The following INSL4 variants were observed in gnomAD, a reference collection of about 807,000 sequenced individuals.
INSL4 encodes the protein early placenta insulin-like peptide.
Under a neutral mutation model 6.5 loss-of-function variants are expected in INSL4, and 7 were observed. The ratio of observed to expected loss-of-function variants is 1.08; its 90% CI spans 0.61 to 2.02. The LOEUF is 2.02. INSL4 is among the 30% of genes most tolerant of loss of function. INSL4 has a pLI of 0.00. For synonymous variants in INSL4, 82 were observed against 65.8 expected (o/e 1.25, Z -1.19); for missense variants, 226 against 163.2 (o/e 1.38, Z -2.09).
rs550887571 is a variant in INSL4, at chr9:5,234,014, T to C, written c.*137T>C. 3 of 649,468 alleles carry C rather than the reference T, an allele frequency of 4.6e-6. No individual in the cohort carries two copies. Among genetic ancestry groups the C allele is most frequent in the Non-Finnish European group, 8.1e-6 (3 of 370,814 alleles). The allele number at this position is 649,468 out of a possible 1,614,324, so 40.2% of individuals were successfully genotyped here. ...TAGTATTCACATGTTTCACTTGCTC[T>C]GTACTAATATAGTCTCTCCAAATGG... On this transcript the variant is annotated 3_prime_UTR_variant, in exon 2 of 2. Transcript: ENST00000239316.
chr9:5,233,915 T>C lies in INSL4; in HGVS notation c.*38T>C. 2.2e-6 allele frequency: 3 copies of C among 1,366,264 alleles called. No homozygotes were observed. Among genetic ancestry groups the C allele is most frequent in the Non-Finnish European group, 2.1e-6 (2 of 959,068 alleles). 84.6% of individuals were successfully genotyped at this position (1,366,264 alleles called of 1,614,324 possible). A position where few individuals can be genotyped will look rare whatever the true frequency, so the allele number is the denominator to read the frequency against. On this transcript the variant is annotated 3_prime_UTR_variant, in exon 2 of 2. Transcript: ENST00000239316. ...GGACTGGACATCTCATCCATTCTCATATGTATTCTCAATGACAAATTCACT... is the reference window on the plus strand; with the variant it reads ...GGACTGGACATCTCATCCATTCTCACATGTATTCTCAATGACAAATTCACT...
At chr9:5,233,633 T>G (rs139922875) in intron 1 of INSL4, 21 bp from the exon 2 acceptor site, 1 of 1,585,822 alleles carries the variant, frequency 6.3e-7, no homozygotes, top group Non-Finnish European at 8.7e-7. Context: ...TCACCTTTCA[T>G]TCCTCTCTTT....
intron 1 of INSL4, among the ~76,000 whole-genome samples, chr9:5,232,336 G>GT (rs549049604): frequency 4.6e-5 from 7 of 152,038 alleles, no homozygotes; most frequent in African/African-American, 9.6e-5. Flanking sequence ...TTACAAAAAA[G>GT]TTTTTTTTAA....
At chr9:5,232,294 G>C (rs751381883) in intron 1 of INSL4, among the ~76,000 whole-genome samples, 1 of 152,094 alleles carries the variant, frequency 6.6e-6, no homozygotes, top group Non-Finnish European at 1.5e-5. Context: ...TCATTAAGCT[G>C]GGCAGTGGTC....
Position 5,231,508 on chromosome 9 carries a change from A to G in INSL4, c.-16A>G. On this transcript the variant is annotated 5_prime_UTR_variant, in exon 1 of 2. Coordinates refer to ENST00000239316, the MANE Select transcript of INSL4 (RefSeq NM_002195.2). ...AAAGGCTGAGAACACCCAGAACAGG[A>G]GAGTTCAGGTCCAGGATGGCCAGCC... The G allele has an allele frequency of 6.2e-7, 1 of 1,609,598 alleles. No individual in the cohort carries two copies. Among genetic ancestry groups the G allele is most frequent in the Non-Finnish European group, 8.5e-7 (1 of 1,178,122 alleles).
rs150771132 is a variant in INSL4, at chr9:5,233,699, C to T, written c.242C>T (p.Thr81Met). The change falls in exon 2 of 2, where the codon ACG becomes ATG. Residue 81 changes from threonine to methionine, a missense_variant. Coordinates refer to ENST00000239316, the MANE Select transcript of INSL4 (RefSeq NM_002195.2). ...SNNKDGQALG[T>M]TSEFIPNLSP... is the part of the protein sequence containing the mutation. The stretch of plus-strand genomic sequence containing the variant: ...AACAAAGATGGACAAGCCTTAGGTA[C>T]GACATCAGAATTCATTCCTAATTTG... 2.0e-5 allele frequency: 32 copies of T among 1,613,440 alleles called. No individual in the cohort carries two copies. The highest frequency in any genetic ancestry group is 1.1e-4 in the African/African-American group (8 of 74,894).
At position 5,231,655 on chromosome 9, in the gene INSL4, C is replaced by A. The variant is rs770927876; in HGVS notation, c.132C>A (p.Pro44=). Residue 44 remains proline (P), a synonymous_variant, in exon 1 of 2, where the codon CCC becomes CCA. Coordinates refer to ENST00000239316, the MANE Select transcript of INSL4 (RefSeq NM_002195.2). ...GAAAACACTTGCTGTCATATTGCCCCATGCCTGAGAAGACATTCACCACCA... is the reference window on the plus strand; with the variant it reads ...GAAAACACTTGCTGTCATATTGCCCAATGCCTGAGAAGACATTCACCACCA... ...RFGKHLLSYC[P]MPEKTFTTTP... 14 of 1,613,768 alleles carry A rather than the reference C, an allele frequency of 8.7e-6. No individual in the cohort carries two copies. The South Asian group carries it at 1.2e-4, about 14-fold the overall frequency.
chr9:5,232,140 GAA>G (rs1037574688), intron 1 of INSL4, among the ~76,000 whole-genome samples: 3 of 152,134 alleles, frequency 2.0e-5, no homozygotes, highest in African/African-American at 7.2e-5. Context: ...CAATTAAGAA[GAA>G]AGGGGACAAA....
chr9:5,231,522 G>A lies in INSL4; in HGVS notation c.-2G>A. 6.2e-7 allele frequency: 1 copy of A among 1,612,106 alleles called. No individual in the cohort carries two copies. The highest frequency in any genetic ancestry group is 2.2e-5 in the East Asian group (1 of 44,832). ...CCCAGAACAGGAGAGTTCAGGTCCA[G>A]GATGGCCAGCCTGTTCCGGTCCTAT... is the stretch of plus-strand genomic sequence containing the variant. On this transcript the variant is annotated 5_prime_UTR_variant, in exon 1 of 2. Transcript: ENST00000239316.
Position 5,233,886 on chromosome 9 carries a change from T to C in INSL4, c.*9T>C, listed in dbSNP as rs544976823. Reference sequence around the variant, plus strand: ...TTAAATTATGTACATAGTAGAGTAATCATGGACTGGACATCTCATCCATTC... The same window carrying C: ...TTAAATTATGTACATAGTAGAGTAACCATGGACTGGACATCTCATCCATTC... On this transcript the variant is annotated 3_prime_UTR_variant, in exon 2 of 2. Transcript: ENST00000239316. 1.3e-6 allele frequency: 2 copies of C among 1,563,032 alleles called. No homozygotes were observed. The highest frequency in any genetic ancestry group is 4.5e-5 in the East Asian group (2 of 44,534).
chr9:5,232,651 G>A (rs959547989), intron 1 of INSL4, among the ~76,000 whole-genome samples: 1 of 152,208 alleles, frequency 6.6e-6, no homozygotes, highest in Admixed American at 6.5e-5. Context: ...TGCCAGCTAA[G>A]TTAAAACTAG....
chr9:5,232,468 C>T (rs921249877), intron 1 of INSL4, among the ~76,000 whole-genome samples: 2 of 151,936 alleles, frequency 1.3e-5, no homozygotes, highest in African/African-American at 2.4e-5. Context: ...TGAAGGGGAC[C>T]AGAGACAAGG....
chr9:5,231,538 C>T lies in INSL4; in HGVS notation c.15C>T (p.Phe5=). 1 of 1,613,040 alleles carries T rather than the reference C, an allele frequency of 6.2e-7. No individual in the cohort carries two copies. Among genetic ancestry groups the T allele is most frequent in the Non-Finnish European group, 8.5e-7 (1 of 1,179,738 alleles). Residue 5 remains phenylalanine, a synonymous_variant, in exon 1 of 2, where the codon TTC becomes TTT. Transcript: ENST00000239316. ...TCAGGTCCAGGATGGCCAGCCTGTT[C>T]CGGTCCTATCTGCCAGCAATCTGGC... The part of the protein sequence containing the change: MASL[F]RSYLPAIWLL...
rs1347480835 is a variant in INSL4, at chr9:5,234,420, A to G, written c.*543A>G. On this transcript the variant is annotated 3_prime_UTR_variant, in exon 2 of 2. Transcript: ENST00000239316. ...AGAGATAAAGGATCTAACCATCTCT[A>G]ACATCAGCTCATAGTACGGAGGAAA... 2 of 156,066 alleles carry G rather than the reference A, an allele frequency of 1.3e-5. No individual in the cohort carries two copies. Among genetic ancestry groups the G allele is most frequent in the East Asian group, 3.8e-4 (2 of 5,322 alleles). The allele number at this position is 156,066 out of a possible 1,614,324, so 9.7% of individuals were successfully genotyped here.
In INSL4 at chr9:5,233,826, C is replaced by G. The variant is rs1826185544; in HGVS notation, c.369C>G (p.Phe123Leu). The change falls in exon 2 of 2, where the codon TTC becomes TTG. Residue 123 changes from phenylalanine to leucine, a missense_variant. Transcript: ENST00000239316. ...KRSGRHRFDPFCCEVICDDGT... is the reference protein window; with the variant it reads ...KRSGRHRFDPLCCEVICDDGT... ...GTGGACGTCACAGATTTGATCCATTCTGTTGTGAAGTAATTTGTGACGATG... is the reference window on the plus strand; with the variant it reads ...GTGGACGTCACAGATTTGATCCATTGTGTTGTGAAGTAATTTGTGACGATG... 6.2e-7 allele frequency: 1 copy of G among 1,613,466 alleles called. No individual in the cohort carries two copies. The highest frequency in any genetic ancestry group is 1.1e-5 in the South Asian group (1 of 91,070).
In INSL4 at chr9:5,231,528, C is replaced by G. The variant is rs779260190; in HGVS notation, c.5C>G (p.Ala2Gly). 2 of 1,612,056 alleles carry G rather than the reference C, an allele frequency of 1.2e-6. No homozygotes were observed. ...ACAGGAGAGTTCAGGTCCAGGATGG[C>G]CAGCCTGTTCCGGTCCTATCTGCCA... is the stretch of plus-strand genomic sequence containing the variant. The part of the protein sequence containing the change: M[A>G]SLFRSYLPAI... Residue 2 changes from alanine to glycine, a missense_variant, in exon 1 of 2, where the codon GCC becomes GGC. Transcript: ENST00000239316.
intron 1 of INSL4, 125 bp from the exon 2 acceptor site, chr9:5,233,529 T>A (rs1294108136): frequency 4.5e-6 from 3 of 672,526 alleles, no homozygotes; most frequent in Non-Finnish European, 7.7e-6. Flanking sequence ...TTGCTGATTC[T>A]CTCTGGTGTT....
Position 5,234,284 on chromosome 9 carries a change from A to G in INSL4, c.*407A>G, listed in dbSNP as rs983148579. The G allele has an allele frequency of 4.8e-5, 8 of 165,942 alleles. No individual in the cohort carries two copies. The highest frequency in any genetic ancestry group is 1.9e-4 in the African/African-American group (8 of 41,604). 10.3% of individuals were successfully genotyped at this position (165,942 alleles called of 1,614,324 possible). Reference sequence around the variant, plus strand: ...TGTGTATAACTGTAATATGTGAACTACAAACTTACTGGAAATAAATTTTTA... The same window carrying G: ...TGTGTATAACTGTAATATGTGAACTGCAAACTTACTGGAAATAAATTTTTA... On this transcript the variant is annotated 3_prime_UTR_variant, in exon 2 of 2. Coordinates refer to ENST00000239316, the MANE Select transcript of INSL4 (RefSeq NM_002195.2).
Position 5,231,573 on chromosome 9 carries a change from G to C in INSL4, c.50G>C (p.Ser17Thr). 2 of 1,613,868 alleles carry C rather than the reference G, an allele frequency of 1.2e-6. No individual in the cohort carries two copies. The highest frequency in any genetic ancestry group is 1.1e-5 in the South Asian group (1 of 91,064). ...CTGCCAGCAATCTGGCTGCTGCTGA[G>C]CCAACTCCTTAGAGAAAGCCTAGCA... ...SYLPAIWLLL[S>T]QLLRESLAAE... The change falls in exon 1 of 2, where the codon AGC (serine) becomes ACC (threonine). Residue 17 changes from serine (S) to threonine (T), a missense_variant. Physicochemically the swap from Ser to Thr is moderately conservative, Grantham distance 58. Coordinates refer to ENST00000239316, the MANE Select transcript of INSL4 (RefSeq NM_002195.2).
Sources: gnomAD v4.1 joint callset for allele counts (sites outside exome capture counted in the v4.1 genomes callset) on GRCh38, gnomAD v4.1.1 for gene constraint, MANE v1.5 for transcripts, NCBI Gene and HGNC (gene_info 2026-07-23, HGNC 2026-07-21) for gene names.